Variants in NRROS observed in about 807,000 individuals in gnomAD.
The protein encoded by NRROS is negative regulator of reactive oxygen species, also known as transforming growth factor beta activator LRRC33.
A neutral mutation model predicts 12.0 loss-of-function variants in NRROS; 6 were observed. The observed-to-expected ratio is 0.50, with a 90% CI of 0.27 to 0.98. The LOEUF is 0.98. NRROS is among the 50% of genes least tolerant of loss of function. NRROS has a pLI of 0.11. For synonymous variants in NRROS, 462 were observed against 410.2 expected, an observed-to-expected ratio of 1.13 and a Z score of -1.53; for missense variants, 857 against 888.2, an observed-to-expected ratio of 0.96 and a Z score of 0.45.
chr3:196,661,517 C>T lies in NRROS; in HGVS notation c.1874C>T (p.Ser625Phe). Residue 625 changes from serine (S) to phenylalanine (F), a missense_variant, in exon 3 of 3, where the codon TCC becomes TTC. Transcript: ENST00000328557. ...GCCATGGTCACCTGCAACCTCTCCT[C>T]CAAGATCATCCGCGTGACGGAGCTG... ...DWAMVTCNLS[S>F]KIIRVTELPG... The T allele has an allele frequency of 1.2e-6, 2 of 1,613,462 alleles. No individual in the cohort carries two copies. Among genetic ancestry groups the T allele is most frequent in the Non-Finnish European group, 1.7e-6 (2 of 1,179,580 alleles).
At chr3:196,650,213 T>A (rs1335221493) in intron 1 of NRROS, among the ~76,000 whole-genome samples, 1 of 152,210 alleles carries the variant, frequency 6.6e-6, no homozygotes, top group Non-Finnish European at 1.5e-5. Context: ...AATAGCGAGA[T>A]CTCTGCTCAC....
rs1737172469 is a variant in NRROS at position 196,639,798 on chromosome 3, CGCGTTCG to C, written c.-88_-82del. On this transcript the variant is annotated 5_prime_UTR_variant, in exon 1 of 3. An upstream open reading frame in the 5' UTR loses its in-frame stop. Transcript: ENST00000328557. ...CCACAGCAAGGAGGTAGCCCAGCCC[CGCGTTCG>C]GCTGCTCTCGAGGAGGCCGGAGCCC... The C allele has an allele frequency of 6.6e-6, 1 of 152,454 alleles. No homozygotes were observed. Among genetic ancestry groups the C allele is most frequent in the African/African-American group, 2.4e-5 (1 of 41,474 alleles). The allele number at this position is 152,454 out of a possible 1,614,324, so 9.4% of individuals were successfully genotyped here.
chr3:196,655,671 C>T (rs1343004694), intron 2 of NRROS, among the ~76,000 whole-genome samples: 1 of 152,210 alleles, frequency 6.6e-6, no homozygotes, highest in African/African-American at 2.4e-5. Flanking sequence ...CTAAGGCTTA[C>T]ACAGCTGCGG....
chr3:196,652,549 T>A (rs1737448397), intron 1 of NRROS, among the ~76,000 whole-genome samples: 1 of 152,244 alleles, frequency 6.6e-6, no homozygotes, highest in Non-Finnish European at 1.5e-5. Flanking sequence ...TTCCATGATC[T>A]TCCCATGATA....
At chr3:196,657,098 G>A (rs1489549554) in intron 2 of NRROS, among the ~76,000 whole-genome samples, 3 of 152,006 alleles carry the variant, frequency 2.0e-5, no homozygotes, top group Non-Finnish European at 4.4e-5. Context: ...CAGCTACTCA[G>A]GAGGCTGAGG....
chr3:196,654,730 A>G lies in NRROS; in HGVS notation c.108+83A>G. The G allele has an allele frequency of 1.2e-6, 1 of 847,020 alleles. No homozygotes were observed. The highest frequency in any genetic ancestry group is 1.9e-6 in the Non-Finnish European group (1 of 524,652). 52.5% of individuals were successfully genotyped at this position (847,020 alleles called of 1,614,324 possible). A position where few individuals can be genotyped will look rare whatever the true frequency, so the allele number is the denominator to read the frequency against. On this transcript the variant is annotated intron_variant, in intron 2 of 2. Transcript: ENST00000328557. The surrounding 1 kb of genome is among the most constrained non-coding windows in gnomAD (Gnocchi z 4.4). ...CATTTGGAAAGCTGACAGATTGTCC[A>G]TCAGGAAGGGCAGAGAATGAAGGAG...
chr3:196,644,097 T>A (rs1464902534), intron 1 of NRROS, among the ~76,000 whole-genome samples: 1 of 152,214 alleles, frequency 6.6e-6, no homozygotes, highest in Non-Finnish European at 1.5e-5. Flanking sequence ...GTCCTTAAAC[T>A]GATGCTTCCA....
chr3:196,641,173 ACT>A (rs1184229803), intron 1 of NRROS, among the ~76,000 whole-genome samples: 1 of 147,958 alleles, frequency 6.8e-6, no homozygotes, highest in Non-Finnish European at 1.5e-5. Flanking sequence ...AACAAAACAA[ACT>A]CAGCTTCACA....
At chr3:196,646,264 G>A (rs1737309528) in intron 1 of NRROS, among the ~76,000 whole-genome samples, 1 of 152,246 alleles carries the variant, frequency 6.6e-6, no homozygotes, top group Non-Finnish European at 1.5e-5. Context: ...TTCTTATCGA[G>A]AAGGGCGGTG....
chr3:196,653,866 G>A lies in NRROS; in HGVS notation c.-13-661G>A, dbSNP rs75543991. ...TTCTCTGTGCACTGGCCAGGCAAGC[G>A]GGCTGGCAACCACGTTTCGTTAACC... On this transcript the variant is annotated intron_variant, in intron 1 of 2. Coordinates refer to ENST00000328557, the MANE Select transcript of NRROS (RefSeq NM_198565.3). Among the ~76,000 whole-genome samples the A allele has an allele frequency of 7.9e-5, 12 of 152,298 alleles. No individual in the cohort carries two copies. In the East Asian group the frequency reaches 1.5e-3, roughly 20 times the overall value.
chr3:196,651,020 G>T (rs1737412971), intron 1 of NRROS, among the ~76,000 whole-genome samples: 1 of 152,174 alleles, frequency 6.6e-6, no homozygotes, highest in Non-Finnish European at 1.5e-5. Flanking sequence ...CAGATGCTGT[G>T]GCGTGGTCCT....
At chr3:196,644,052 G>A (rs1013761632) in intron 1 of NRROS, among the ~76,000 whole-genome samples, 3 of 152,176 alleles carry the variant, frequency 2.0e-5, no homozygotes, top group Admixed American at 6.5e-5. Flanking sequence ...GGCCTCGGCC[G>A]TTCTCTTGTT....
rs757450516 is a variant in NRROS, at chr3:196,660,711, C to T, written c.1068C>T (p.His356=). The change falls in exon 3 of 3, where the codon CAC becomes CAT. Residue 356 remains histidine, a synonymous_variant. Transcript: ENST00000328557. The surrounding 1 kb of genome is among the most constrained non-coding windows in gnomAD (Gnocchi z 7.7). ...TGAGGAAAATGCCTTCCCTCTCCCA[C>T]CTGAACCTCCACCAGAATTGCCTGA... ...GFLRKMPSLS[H]LNLHQNCLMT... is the part of the protein sequence containing the mutation. The T allele has an allele frequency of 8.2e-5, 133 of 1,614,204 alleles. No individual in the cohort carries two copies. Among genetic ancestry groups the T allele is most frequent in the Admixed American group, 2.5e-4 (15 of 60,028 alleles).
chr3:196,661,195 C>A lies in NRROS; in HGVS notation c.1552C>A (p.Leu518Ile). Residue 518 changes from leucine to isoleucine, a missense_variant, in exon 3 of 3, where the codon CTC becomes ATC. By Grantham distance (5) the Leu-to-Ile change is conservative. Transcript: ENST00000328557. ...DVAPMLQVLSLRNMGLHSSFM... is the reference protein window; with the variant it reads ...DVAPMLQVLSIRNMGLHSSFM... ...TGCCCCCATGTTACAGGTCCTGTCTCTCAGGAACATGGGCCTCCACTCCAG... is the reference window on the plus strand; with the variant it reads ...TGCCCCCATGTTACAGGTCCTGTCTATCAGGAACATGGGCCTCCACTCCAG... 6.2e-7 allele frequency: 1 copy of A among 1,613,610 alleles called. No individual in the cohort carries two copies.
intron 1 of NRROS, among the ~76,000 whole-genome samples, chr3:196,642,337 G>A (rs933738429): frequency 2.9e-4 from 44 of 151,700 alleles, no homozygotes; most frequent in African/African-American, 1.1e-3. Flanking sequence ...AAAAGTGTAT[G>A]GGCAATAGTT....
intron 1 of NRROS, among the ~76,000 whole-genome samples, chr3:196,653,764 G>C (rs1044594628): frequency 5.3e-5 from 8 of 152,308 alleles, no homozygotes; most frequent in African/African-American, 1.9e-4. Flanking sequence ...TGAGTATATT[G>C]CATTTCCCTT....
At chr3:196,643,049 A>G (rs538891699) in intron 1 of NRROS, among the ~76,000 whole-genome samples, 13 of 146,836 alleles carry the variant, frequency 8.9e-5, no homozygotes, top group South Asian at 4.3e-4. Flanking sequence ...CTCCAGCCTG[A>G]GCCACAAGAG....
Position 196,661,902 on chromosome 3 carries a change from T to C in NRROS, c.*180T>C, listed in dbSNP as rs1717727760. ...GCCCCCACCACCGCCCAAGTTCTTTTTCCATCATTATAATTCATCCTCATT... is the reference window on the plus strand; with the variant it reads ...GCCCCCACCACCGCCCAAGTTCTTTCTCCATCATTATAATTCATCCTCATT... On this transcript the variant is annotated 3_prime_UTR_variant, in exon 3 of 3. Coordinates refer to ENST00000328557, the MANE Select transcript of NRROS (RefSeq NM_198565.3). 2 of 444,570 alleles carry C rather than the reference T, an allele frequency of 4.5e-6. No individual in the cohort carries two copies. The highest frequency in any genetic ancestry group is 2.0e-5 in the African/African-American group (1 of 49,752). 27.5% of individuals were successfully genotyped at this position (444,570 alleles called of 1,614,324 possible).
chr3:196,646,993 G>A (rs1400646591), intron 1 of NRROS, among the ~76,000 whole-genome samples: 1 of 152,072 alleles, frequency 6.6e-6, no homozygotes, highest in Admixed American at 6.6e-5. Context: ...TATTATGAAC[G>A]TCTTTCTGCG....
Sources: allele counts gnomAD v4.1 joint callset (sites outside exome capture counted in the v4.1 genomes callset), GRCh38; gene constraint gnomAD v4.1.1; non-coding constraint Gnocchi (gnomAD v3.1); transcripts MANE v1.5; gene names NCBI Gene and HGNC (gene_info 2026-07-23, HGNC 2026-07-21).